The following CFAP47 variants were observed in gnomAD, a reference collection of about 807,000 sequenced individuals.
The protein encoded by CFAP47 is cilia- and flagella-associated protein 47.
Under a neutral mutation model 148.1 loss-of-function variants are expected in CFAP47, and 29 were observed. The ratio of observed to expected loss-of-function variants is 0.20; its 90% confidence interval spans 0.15 to 0.27. The LOEUF (loss-of-function observed/expected upper bound fraction) is 0.27, where lower values mean the gene tolerates loss of function less well. Ranked by LOEUF, CFAP47 falls within the 10% of genes least tolerant of loss-of-function variation. The pLI, the probability that CFAP47 is intolerant of heterozygous loss-of-function variation, is 1.00. For synonymous variants in CFAP47, 664 were observed against 577.3 expected (o/e 1.15, Z -2.15); for missense variants, 1,872 against 1,697.5 (o/e 1.10, Z -1.81).
rs781950443 is a variant in CFAP47 at position 36,285,700 on chromosome X, A to G, written c.7660A>G (p.Ile2554Val). 1.7e-6 allele frequency: 2 copies of G among 1,148,534 alleles called. No individual in the cohort carries two copies. Among genetic ancestry groups the G allele is most frequent in the South Asian group, 1.9e-5 (1 of 51,592 alleles). 94.7% of individuals were successfully genotyped at this position (1,148,534 alleles called of 1,213,427 possible). The change falls in exon 51 of 64, where the codon ATT becomes GTT. Residue 2554 changes from isoleucine (I) to valine (V), a missense_variant. Transcript: ENST00000378653. ...IHSTPGPPIEIMEMTCIALDS... is the reference protein window; with the variant it reads ...IHSTPGPPIEVMEMTCIALDS... The stretch of plus-strand genomic sequence containing the variant: ...TAGCACTCCTGGACCACCCATAGAG[A>G]TTATGGAAATGACATGTATTGCTCT...
chrX:36,286,364 G>A (rs1434761741), intron 51 of CFAP47, among the ~76,000 whole-genome samples: 4 of 108,764 alleles, frequency 3.7e-5, no homozygotes, highest in Non-Finnish European at 7.7e-5. Flanking sequence ...TAAATATGTG[G>A]ATAGATTTCT....
chrX:36,005,869 G>A (rs748935069), intron 21 of CFAP47, among the ~76,000 whole-genome samples: 2 of 110,416 alleles, frequency 1.8e-5, no homozygotes, highest in Non-Finnish European at 3.8e-5. Context: ...CCTATATAAT[G>A]TTTATATCTC....
chrX:36,342,612 T>TA (rs1941663074), intron 57 of CFAP47, among the ~76,000 whole-genome samples: 1 of 109,467 alleles, frequency 9.1e-6, no homozygotes, highest in Non-Finnish European at 1.9e-5. Flanking sequence ...CATACTCTTT[T>TA]AAATAAGTGT....
chrX:36,114,404 G>A (rs1048361809), intron 33 of CFAP47, among the ~76,000 whole-genome samples: 5 of 111,748 alleles, frequency 4.5e-5, no homozygotes, highest in Admixed American at 3.8e-4. Context: ...GCAGTAGTTT[G>A]GGGAAAGAAG....
intron 57 of CFAP47, among the ~76,000 whole-genome samples, chrX:36,323,831 T>G (rs1941496834): frequency 8.9e-6 from 1 of 111,951 alleles, no homozygotes; most frequent in Non-Finnish European, 1.9e-5. Context: ...ATTGGAGCTC[T>G]AGCCACTGAA....
intron 48 of CFAP47, among the ~76,000 whole-genome samples, chrX:36,242,714 C>T (rs1569297891): frequency 9.0e-6 from 1 of 111,722 alleles, no homozygotes. Context: ...CATTGGCATT[C>T]GTGAGAGAAG....
chrX:36,222,710 A>G (rs1555990927), intron 45 of CFAP47, among the ~76,000 whole-genome samples: 1 of 110,773 alleles, frequency 9.0e-6, no homozygotes, highest in East Asian at 2.8e-4. Flanking sequence ...GCTACATTTC[A>G]TATTTTTATT....
chrX:36,039,426 TA>T (rs1468690080), intron 25 of CFAP47, among the ~76,000 whole-genome samples: 1 of 112,548 alleles, frequency 8.9e-6, no homozygotes, highest in African/African-American at 3.2e-5. Context: ...TAAGCAAGCC[TA>T]AAAATTCAAT....
chrX:36,275,818 TC>T (rs2146940844), intron 49 of CFAP47, among the ~76,000 whole-genome samples: 1 of 111,095 alleles, frequency 9.0e-6, no homozygotes, highest in African/African-American at 3.3e-5. Context: ...AGACATCTGG[TC>T]TTGGGCTTTA....
rs181330268 is a variant in CFAP47, at chrX:36,372,585, G to C, written c.9185+5458G>C. Among the ~76,000 whole-genome samples the C allele has an allele frequency of 3.6e-3, 404 of 111,085 alleles. 3 individuals carry two copies. Among genetic ancestry groups the C allele is most frequent in the African/African-American group, 0.013 (389 of 30,552 alleles). On this transcript the variant is annotated intron_variant, in intron 62 of 63. Transcript: ENST00000378653. Reference sequence around the variant, plus strand: ...GTGTGGCATTGCCTATTGCTTCTAGGCTACAAACCAGCACAGGATGTTACT... The same window carrying C: ...GTGTGGCATTGCCTATTGCTTCTAGCCTACAAACCAGCACAGGATGTTACT...
chrX:35,988,712 A>G (rs769495696), intron 15 of CFAP47, among the ~76,000 whole-genome samples: 1 of 112,089 alleles, frequency 8.9e-6, no homozygotes, highest in East Asian at 2.8e-4. Context: ...CTTTCTCCAA[A>G]GGAAATGATG....
intron 4 of CFAP47, among the ~76,000 whole-genome samples, chrX:35,948,823 G>A (rs1170002411): frequency 1.9e-5 from 2 of 106,436 alleles, no homozygotes; most frequent in Non-Finnish European, 3.9e-5. Flanking sequence ...GTGTGTAGGG[G>A]TGGTGGGAGT....
At chrX:36,146,784 T>TC (rs1409877126) in intron 36 of CFAP47, among the ~76,000 whole-genome samples, 1 of 105,468 alleles carries the variant, frequency 9.5e-6, no homozygotes, top group Non-Finnish European at 2.0e-5. Context: ...TTTTCTTTTT[T>TC]TTTTTTTTTT....
intron 25 of CFAP47, 106 bp downstream of exon 25, chrX:36,039,285 G>T: frequency 5.3e-6 from 2 of 374,489 alleles, no homozygotes; most frequent in Non-Finnish European, 8.6e-6. Flanking sequence ...TAGTTGGAAA[G>T]AACTATTAAA....
intron 18 of CFAP47, among the ~76,000 whole-genome samples, chrX:35,995,457 G>C (rs1256807099): frequency 9.0e-6 from 1 of 111,448 alleles, no homozygotes; most frequent in African/African-American, 3.3e-5. Context: ...ATGGAATGCA[G>C]AGTTATTAGT....
At chrX:35,996,547 GA>G (rs1027773432) in intron 18 of CFAP47, among the ~76,000 whole-genome samples, 9 of 111,496 alleles carry the variant, frequency 8.1e-5, no homozygotes, top group African/African-American at 2.9e-4. Flanking sequence ...TGCTTATACA[GA>G]CAGGGTTTCC....
chrX:36,371,028 A>T (rs1244105051), intron 62 of CFAP47, among the ~76,000 whole-genome samples: 2 of 111,390 alleles, frequency 1.8e-5, no homozygotes, highest in Admixed American at 1.9e-4. Context: ...TAATAATACA[A>T]AGTATTCTGA....
intron 21 of CFAP47, among the ~76,000 whole-genome samples, chrX:36,008,809 A>T (rs865878074): frequency 3.6e-5 from 4 of 111,305 alleles, no homozygotes; most frequent in Non-Finnish European, 7.5e-5. Context: ...AAATAATTTT[A>T]AAAAGCCTGC....
intron 62 of CFAP47, 98 bp from the exon 63 acceptor site, chrX:36,379,252 C>A: frequency 1.3e-6 from 1 of 751,191 alleles, no homozygotes; most frequent in Non-Finnish European, 2.0e-6. Context: ...TTAACCAGGC[C>A]TATTGCAGCA....
Sources: gnomAD v4.1 joint callset for allele counts (sites outside exome capture counted in the v4.1 genomes callset) on GRCh38, gnomAD v4.1.1 for gene constraint, MANE v1.5 for transcripts, NCBI Gene and HGNC (gene_info 2026-07-23, HGNC 2026-07-21) for gene names.